Variants in ZNF813 observed in about 807,000 individuals in gnomAD.
ZNF813 encodes the protein zinc finger protein 813.
ZNF813 carries 3 observed loss-of-function variants against 7.2 expected under a neutral mutation model. That is an observed-to-expected ratio of 0.42 (90% CI 0.19 to 1.08). The LOEUF is 1.08. ZNF813 is among the 50% of genes least tolerant of loss of function. The pLI is 0.30. For synonymous variants in ZNF813, 227 were observed against 256.3 expected, an observed-to-expected ratio of 0.89 and a Z score of 1.09; for missense variants, 714 against 753.3, an observed-to-expected ratio of 0.95 and a Z score of 0.61.
intron 1 of ZNF813, among the ~76,000 whole-genome samples, chr19:53,475,972 A>C (rs916303582): frequency 2.6e-5 from 4 of 152,010 alleles, no homozygotes; most frequent in Non-Finnish European, 1.5e-5. Context: ...CCTATTAACG[A>C]CTTAGCCATC....
chr19:53,479,635 T>C (rs1334012151), intron 1 of ZNF813: 9 of 1,227,150 alleles, frequency 7.3e-6, no homozygotes, highest in Non-Finnish European at 9.4e-6. Flanking sequence ...TATTGAAATC[T>C]GGGCCTTAAA....
Position 53,494,024 on chromosome 19 carries a change from T to G in ZNF813, c.*1938T>G, listed in dbSNP as rs1338338443. 1 of 152,312 alleles carries G rather than the reference T, an allele frequency of 6.6e-6. No individual in the cohort carries two copies. The highest frequency in any genetic ancestry group is 1.5e-5 in the Non-Finnish European group (1 of 68,048). 9.4% of individuals were successfully genotyped at this position (152,312 alleles called of 1,614,324 possible). A position where few individuals can be genotyped will look rare whatever the true frequency, so the allele number is the denominator to read the frequency against. On this transcript the variant is annotated 3_prime_UTR_variant, in exon 4 of 4. Transcript: ENST00000396403. ...TTTGAATTTTGTGAAATACTTTTTC[T>G]CCATCTATTGAGATGATGTGGTTTT...
chr19:53,487,846 C>T (rs1411026183), intron 3 of ZNF813, among the ~76,000 whole-genome samples: 1 of 150,902 alleles, frequency 6.6e-6, no homozygotes, highest in African/African-American at 2.4e-5. Flanking sequence ...TCTCTTTCTC[C>T]ACCAGAACTC....
At chr19:53,474,457 G>C (rs1373558563) in intron 1 of ZNF813, among the ~76,000 whole-genome samples, 2 of 152,100 alleles carry the variant, frequency 1.3e-5, no homozygotes, top group African/African-American at 4.8e-5. Flanking sequence ...GGGAGGCCAA[G>C]GTGGGCAGAT....
At chr19:53,484,545 A>T (rs2086423836) in intron 2 of ZNF813, among the ~76,000 whole-genome samples, 1 of 152,192 alleles carries the variant, frequency 6.6e-6, no homozygotes, top group Non-Finnish European at 1.5e-5. Flanking sequence ...TTGTATTGTC[A>T]TTATTATTAA....
chr19:53,476,923 A>G (rs532250438), intron 1 of ZNF813, among the ~76,000 whole-genome samples: 5 of 152,158 alleles, frequency 3.3e-5, no homozygotes, highest in East Asian at 3.9e-4. Context: ...TGGCCTCCCA[A>G]AGTGCTGGGA....
intron 1 of ZNF813, among the ~76,000 whole-genome samples, chr19:53,468,916 C>T (rs2617713): frequency 2.0e-5 from 3 of 147,540 alleles, no homozygotes; most frequent in African/African-American, 4.9e-5. Flanking sequence ...TACGGGTGTC[C>T]GGCTGGGGGA....
intron 1 of ZNF813, among the ~76,000 whole-genome samples, chr19:53,476,861 A>T (rs1398484486): frequency 6.6e-6 from 1 of 151,872 alleles, no homozygotes; most frequent in Non-Finnish European, 1.5e-5. Flanking sequence ...ACGGGGTTTC[A>T]CCTTGTTAAC....
chr19:53,468,749 G>A (rs1342363561), intron 1 of ZNF813, among the ~76,000 whole-genome samples: 1 of 152,158 alleles, frequency 6.6e-6, no homozygotes, highest in Non-Finnish European at 1.5e-5. Context: ...CAGCCACAGG[G>A]CGGTTTTCTC....
chr19:53,491,977 A>T lies in ZNF813; in HGVS notation c.1745A>T (p.Asn582Ile). 6.2e-7 allele frequency: 1 copy of T among 1,614,088 alleles called. No homozygotes were observed. Among genetic ancestry groups the T allele is most frequent in the East Asian group, 2.2e-5 (1 of 44,866 alleles). ...ACTGGAGAGAAACCTTACAAGTGTA[A>T]TGAATGTGGCAAGGTTTTTAATCAA... ...LHTGEKPYKC[N>I]ECGKVFNQKA... Residue 582 changes from asparagine to isoleucine, a missense_variant, in exon 4 of 4, where the codon AAT becomes ATT. Around this residue, in one of 3 missense-constraint regions of ZNF813, gnomAD observed 122 missense variants for 146.8 expected, o/e 0.83. Coordinates refer to ENST00000396403, the MANE Select transcript of ZNF813 (RefSeq NM_001004301.4).
At position 53,486,727 on chromosome 19, in the gene ZNF813, G is replaced by C. The variant is rs373518314; in HGVS notation, c.111G>C (p.Met37Ile). The C allele has an allele frequency of 2.5e-6, 4 of 1,614,056 alleles. No individual in the cohort carries two copies. The highest frequency in any genetic ancestry group is 3.4e-6 in the Non-Finnish European group (4 of 1,179,950). The change falls in exon 3 of 4, where the codon ATG becomes ATC. Residue 37 changes from methionine to isoleucine, a missense_variant. Transcript: ENST00000396403. ...AGAGGACTCTATACAGGGACGTGAT[G>C]CTGGAGAATTATAGGAACCTGGTCT... is the stretch of plus-strand genomic sequence containing the variant. ...PAQRTLYRDV[M>I]LENYRNLVSL...
At position 53,495,546 on chromosome 19, in the gene ZNF813, A is replaced by G. The variant is rs2086483419; in HGVS notation, c.*3460A>G. 1 of 152,112 alleles carries G rather than the reference A, an allele frequency of 6.6e-6. No homozygotes were observed. The highest frequency in any genetic ancestry group is 1.5e-5 in the Non-Finnish European group (1 of 68,070). The allele number at this position is 152,112 out of a possible 1,614,324, so 9.4% of individuals were successfully genotyped here. A position where few individuals can be genotyped will look rare whatever the true frequency, so the allele number is the denominator to read the frequency against. On this transcript the variant is annotated 3_prime_UTR_variant, in exon 4 of 4. Transcript: ENST00000396403. ...GCACATCAGTTTTACAAAAAAATTT[A>G]TCTTGTTTGTGCCACAATGAAGAGG... is the stretch of plus-strand genomic sequence containing the variant.
At chr19:53,471,535 T>C (rs1161433863) in intron 1 of ZNF813, among the ~76,000 whole-genome samples, 2 of 152,048 alleles carry the variant, frequency 1.3e-5, no homozygotes, top group East Asian at 1.9e-4. Flanking sequence ...TAAGGCTGGG[T>C]GCGGTGGCTC....
At chr19:53,486,436 G>T (rs2086434211) in intron 2 of ZNF813, among the ~76,000 whole-genome samples, 196 bp from the exon 3 acceptor site, 1 of 136,014 alleles carries the variant, frequency 7.4e-6, no homozygotes, top group Admixed American at 7.9e-5. Flanking sequence ...AGCAGAGTGA[G>T]ACTCCACCTC....
Position 53,491,928 on chromosome 19 carries a change from C to A in ZNF813, c.1696C>A (p.Leu566Ile). ...CAAGGTTTTTAATCAAAAAGCACACCTTGCACGTCACCATAGACTTCATAC... is the reference window on the plus strand; with the variant it reads ...CAAGGTTTTTAATCAAAAAGCACACATTGCACGTCACCATAGACTTCATAC... Reference protein sequence around the residue: ...CGKVFNQKAHLARHHRLHTGE... With the variant: ...CGKVFNQKAHIARHHRLHTGE... Residue 566 changes from leucine to isoleucine, a missense_variant, in exon 4 of 4, where the codon CTT (leucine) becomes ATT (isoleucine). Leu to Ile is a conservative substitution (Grantham distance 5). Around this residue, in one of 3 missense-constraint regions of ZNF813, gnomAD observed 122 missense variants for 146.8 expected, o/e 0.83. Coordinates refer to ENST00000396403, the MANE Select transcript of ZNF813 (RefSeq NM_001004301.4). 1.9e-6 allele frequency: 3 copies of A among 1,611,006 alleles called. No homozygotes were observed. Among genetic ancestry groups the A allele is most frequent in the Non-Finnish European group, 2.5e-6 (3 of 1,178,380 alleles).
Position 53,491,224 on chromosome 19 carries a change from A to G in ZNF813, c.992A>G (p.Glu331Gly). The change falls in exon 4 of 4, where the codon GAA becomes GGA. Residue 331 changes from glutamate to glycine, a missense_variant. Glu to Gly is a moderately conservative substitution (Grantham distance 98). This residue lies in a region of ZNF813 where 563 missense variants were observed against 554.2 expected (regional missense o/e 1.02). Transcript: ENST00000396403. ...GGAGAAAAACCATACAAGTGTAATG[A>G]ATGTGGCAAGACCTTTAGTCAGACG... ...HAGEKPYKCN[E>G]CGKTFSQTSS... The G allele has an allele frequency of 1.2e-6, 2 of 1,613,946 alleles. No homozygotes were observed. The highest frequency in any genetic ancestry group is 1.7e-6 in the Non-Finnish European group (2 of 1,179,802).
chr19:53,489,701 T>G (rs570718164), intron 3 of ZNF813, among the ~76,000 whole-genome samples: 1 of 152,292 alleles, frequency 6.6e-6, no homozygotes, highest in East Asian at 1.9e-4. Context: ...AAAAATATTG[T>G]ATTAACTTTT....
chr19:53,479,445 A>G, intron 1 of ZNF813: 1 of 1,533,560 alleles, frequency 6.5e-7, no homozygotes, highest in Non-Finnish European at 8.9e-7. Context: ...ACCTCCAGTG[A>G]GAAGCTGAGA....
chr19:53,493,749 T>A lies in ZNF813; in HGVS notation c.*1663T>A, dbSNP rs1215300829. On this transcript the variant is annotated 3_prime_UTR_variant, in exon 4 of 4. Transcript: ENST00000396403. ...ATGTCATCTACAAACACATATAATT[T>A]TACTTCTTTCTTTCTGATTTGGATG... The A allele has an allele frequency of 6.6e-6, 1 of 152,232 alleles. No homozygotes were observed. Among genetic ancestry groups the A allele is most frequent in the Non-Finnish European group, 1.5e-5 (1 of 68,040 alleles). The allele number at this position is 152,232 out of a possible 1,614,324, so 9.4% of individuals were successfully genotyped here.
Sources: allele counts gnomAD v4.1 joint callset (sites outside exome capture counted in the v4.1 genomes callset), GRCh38; gene constraint gnomAD v4.1.1; regional missense constraint gnomAD v4.1.1; transcripts MANE v1.5; gene names NCBI Gene and HGNC (gene_info 2026-07-23, HGNC 2026-07-21).